Variants in SPTBN4 observed in about 807,000 individuals in gnomAD.
SPTBN4 encodes spectrin beta, non-erythrocytic 4.
A neutral mutation model predicts 277.8 loss-of-function variants in SPTBN4; 96 were observed. The ratio of observed to expected loss-of-function variants is 0.35; its 90% CI spans 0.29 to 0.41. The LOEUF is 0.41. Among genes scored for constraint, SPTBN4 ranks in the 10% least tolerant of loss-of-function variants. The pLI, the probability that SPTBN4 is intolerant of heterozygous loss-of-function variation, is 1.00. For missense variants in SPTBN4, 3,006 were observed against 3,595.7 expected (o/e 0.84, Z 4.19); for synonymous variants, 1,481 against 1,580.3 (o/e 0.94, Z 1.49).
At chr19:40,541,647 G>A (rs1246658472) in intron 20 of SPTBN4, among the ~76,000 whole-genome samples, 3 of 152,042 alleles carry the variant, frequency 2.0e-5, no homozygotes, top group Non-Finnish European at 2.9e-5. Context: ...TGAGCGATCT[G>A]TCCCCCTCAG....
At position 40,575,297 on chromosome 19, in the gene SPTBN4, T is replaced by G. The variant is rs2081191091; in HGVS notation, c.7537-114T>G. The G allele has an allele frequency of 4.7e-6, 6 of 1,287,928 alleles. No individual in the cohort carries two copies. In the Admixed American group the frequency reaches 7.8e-5, roughly 17 times the overall value. The allele number at this position is 1,287,928 out of a possible 1,614,324, so 79.8% of individuals were successfully genotyped here. ...GTAACTGCATCATCATCATCATCCC[T>G]TTTTAATAGATGAGAAAACTGAATT... On this transcript the variant is annotated intron_variant, in intron 35 of 35. Coordinates refer to ENST00000598249, the MANE Select transcript of SPTBN4 (RefSeq NM_020971.3).
chr19:40,540,088 G>A (rs941327357), intron 20 of SPTBN4, among the ~76,000 whole-genome samples: 80 of 151,498 alleles, frequency 5.3e-4, no homozygotes, highest in African/African-American at 1.8e-3. Flanking sequence ...CACCATACCC[G>A]GCTAATTTTT....
chr19:40,513,230 A>G lies in SPTBN4; in HGVS notation c.2441A>G (p.Gln814Arg). ...GCTTCCAGCCGCCGCCTGGCGCGCC[A>G]GCACCGCGCGCTCACCGGGGAGGTG... ...DEASSRRLARQHRALTGEVEA... is the reference protein window; with the variant it reads ...DEASSRRLARRHRALTGEVEA... Residue 814 changes from glutamine (Q) to arginine (R), a missense_variant, in exon 14 of 36, where the codon CAG (glutamine) becomes CGG (arginine). Coordinates refer to ENST00000598249, the MANE Select transcript of SPTBN4 (RefSeq NM_020971.3). 6.6e-7 allele frequency: 1 copy of G among 1,514,160 alleles called. No individual in the cohort carries two copies. Among genetic ancestry groups the G allele is most frequent in the South Asian group, 1.2e-5 (1 of 81,846 alleles). The allele number at this position is 1,514,160 out of a possible 1,614,324, so 93.8% of individuals were successfully genotyped here.
chr19:40,538,336 G>T (rs998557462), intron 20 of SPTBN4, among the ~76,000 whole-genome samples: 15 of 1,864 alleles, frequency 8.0e-3, no homozygotes, highest in African/African-American at 0.049. Context: ...TTGCAGTGAG[G>T]CAAGATTGCA....
chr19:40,515,250 G>A lies in SPTBN4; in HGVS notation c.2766-61G>A, dbSNP rs1235700051. On this transcript the variant is annotated intron_variant, in intron 14 of 35. Coordinates refer to ENST00000598249, the MANE Select transcript of SPTBN4 (RefSeq NM_020971.3). This position sits in a 1 kb window ranked among gnomAD's most constrained non-coding sequence, Gnocchi z 4.1. ...GAATTAGGAGTAGAACCAGTAGAAGGTATTTCATAAAACCAAGGTCCGCAG... is the reference window on the plus strand; with the variant it reads ...GAATTAGGAGTAGAACCAGTAGAAGATATTTCATAAAACCAAGGTCCGCAG... 121 of 1,571,328 alleles carry A rather than the reference G, an allele frequency of 7.7e-5. 1 individual carries two copies. Among genetic ancestry groups the A allele is most frequent in the Middle Eastern group, 5.1e-4 (3 of 5,914 alleles).
chr19:40,576,077 G>C lies in SPTBN4; in HGVS notation c.*508G>C, dbSNP rs1250571156. The C allele has an allele frequency of 6.5e-6, 1 of 152,974 alleles. No homozygotes were observed. Among genetic ancestry groups the C allele is most frequent in the East Asian group, 1.9e-4 (1 of 5,176 alleles). The allele number at this position is 152,974 out of a possible 1,614,324, so 9.5% of individuals were successfully genotyped here. Reference sequence around the variant, plus strand: ...GCTGCCTTGATCTCTGTCTGGGAGGGGGGAGTGAAGGGGCCCTAGCCCCCT... The same window carrying C: ...GCTGCCTTGATCTCTGTCTGGGAGGCGGGAGTGAAGGGGCCCTAGCCCCCT... On this transcript the variant is annotated 3_prime_UTR_variant, in exon 36 of 36. Transcript: ENST00000598249.
At chr19:40,525,348 G>C (rs945885139) in intron 17 of SPTBN4, among the ~76,000 whole-genome samples, 24 of 145,846 alleles carry the variant, frequency 1.6e-4, no homozygotes, top group Admixed American at 1.0e-3. Flanking sequence ...TTGAGACAGG[G>C]ATCTTACTCT....
chr19:40,521,477 G>A (rs1238870910), intron 16 of SPTBN4, among the ~76,000 whole-genome samples: 1 of 152,154 alleles, frequency 6.6e-6, no homozygotes, highest in Non-Finnish European at 1.5e-5. Context: ...TAGGGGTGAT[G>A]GGAGGCAGCG....
intron 27 of SPTBN4, 152 bp from the exon 28 acceptor site, chr19:40,565,271 A>C (rs1213691331): frequency 7.1e-6 from 7 of 980,054 alleles, no homozygotes; most frequent in South Asian, 5.1e-5. Context: ...TCTCAAAAAA[A>C]AAAAGAAAAG....
At chr19:40,526,167 C>CTTTTTTTTTTTTTTTTTTTTTTTTTTT (rs1168105162) in intron 17 of SPTBN4, among the ~76,000 whole-genome samples, 1 of 93,174 alleles carries the variant, frequency 1.1e-5, no homozygotes, top group Non-Finnish European at 2.0e-5. Flanking sequence ...AGGTGCTGTT[C>CTTTTTTTTTTTTTTTTTTTTTTTTTTT]TTTTTTTTTT....
At chr19:40,472,434 C>G (rs1473451765) in intron 1 of SPTBN4, among the ~76,000 whole-genome samples, 173 bp from the exon 2 acceptor site, 8 of 152,178 alleles carry the variant, frequency 5.3e-5, no homozygotes, top group Admixed American at 5.2e-4. Flanking sequence ...GCCTCTGCCT[C>G]CCAAAGTGCT....
chr19:40,514,204 T>G (rs923705483), intron 14 of SPTBN4, among the ~76,000 whole-genome samples: 1 of 152,364 alleles, frequency 6.6e-6, no homozygotes, highest in African/African-American at 2.4e-5. Context: ...AGGTGTTTAC[T>G]GAGTGCCTAT....
At chr19:40,503,585 TG>T (rs948964362) in intron 11 of SPTBN4, among the ~76,000 whole-genome samples, 3 of 37,848 alleles carry the variant, frequency 7.9e-5, no homozygotes, top group East Asian at 5.9e-4. Flanking sequence ...CAACAGGGGA[TG>T]GGGGGTTGGT....
rs558425140 is a variant in SPTBN4 at position 40,550,362 on chromosome 19, A to G, written c.4674+35A>G. 6.2e-5 allele frequency: 99 copies of G among 1,588,144 alleles called. 1 individual carries two copies. In the South Asian group the frequency reaches 8.1e-4, roughly 13 times the overall value. On this transcript the variant is annotated intron_variant, in intron 22 of 35. Coordinates refer to ENST00000598249, the MANE Select transcript of SPTBN4 (RefSeq NM_020971.3). Reference sequence around the variant, plus strand: ...GCCAGGTGAGGGAGCGAGTTAGGACATTTGGATACATGTGATAGAAACAGC... The same window carrying G: ...GCCAGGTGAGGGAGCGAGTTAGGACGTTTGGATACATGTGATAGAAACAGC...
chr19:40,576,070 TG>T lies in SPTBN4; in HGVS notation c.*504del. The T allele has an allele frequency of 6.5e-6, 1 of 153,080 alleles. No homozygotes were observed. The highest frequency in any genetic ancestry group is 1.9e-4 in the East Asian group (1 of 5,160). The allele number at this position is 153,080 out of a possible 1,614,324, so 9.5% of individuals were successfully genotyped here. On this transcript the variant is annotated 3_prime_UTR_variant, in exon 36 of 36. Transcript: ENST00000598249. The stretch of plus-strand genomic sequence containing the variant: ...TTCCAATGCTGCCTTGATCTCTGTC[TG>T]GGAGGGGGGAGTGAAGGGGCCCTAG...
chr19:40,559,766 T>C (rs2081022652), intron 26 of SPTBN4, among the ~76,000 whole-genome samples: 1 of 151,306 alleles, frequency 6.6e-6, no homozygotes, highest in Admixed American at 6.6e-5. Flanking sequence ...TGTAGGAAAC[T>C]GGGCTACTAT....
intron 15 of SPTBN4, among the ~76,000 whole-genome samples, chr19:40,516,466 C>A (rs1230761179): frequency 6.6e-6 from 1 of 151,924 alleles, no homozygotes; most frequent in Non-Finnish European, 1.5e-5. Flanking sequence ...CCATGCCCAG[C>A]TAATTAAAAA....
At chr19:40,542,066 CG>C (rs1289718617) in intron 20 of SPTBN4, among the ~76,000 whole-genome samples, 2 of 152,164 alleles carry the variant, frequency 1.3e-5, no homozygotes, top group Non-Finnish European at 1.5e-5. Flanking sequence ...TGATTACAGG[CG>C]TGAGCCACCA....
Position 40,565,525 on chromosome 19 carries a change from A to G in SPTBN4, c.6018A>G (p.Arg2006=), listed in dbSNP as rs2081082726. ...PELTTCQELG[R]SLLLNKSAMA... ...TGACCACCTGCCAGGAGCTGGGGCG[A>G]TCTCTGCTGCTCAACAAAAGTGCCA... Residue 2006 remains arginine (R), a synonymous_variant, in exon 28 of 36, where the codon CGA becomes CGG. Coordinates refer to ENST00000598249, the MANE Select transcript of SPTBN4 (RefSeq NM_020971.3). 1 of 1,614,042 alleles carries G rather than the reference A, an allele frequency of 6.2e-7. No homozygotes were observed. Among genetic ancestry groups the G allele is most frequent in the Non-Finnish European group, 8.5e-7 (1 of 1,180,002 alleles).
Sources: allele counts gnomAD v4.1 joint callset (sites outside exome capture counted in the v4.1 genomes callset), GRCh38; gene constraint gnomAD v4.1.1; non-coding constraint Gnocchi (gnomAD v3.1); transcripts MANE v1.5; gene names NCBI Gene and HGNC (gene_info 2026-07-23, HGNC 2026-07-21).